Variants in UGT1A6 observed in about 807,000 individuals in gnomAD.
The protein encoded by UGT1A6 is UDP-glucuronosyltransferase 1A6.
A neutral mutation model predicts 44.4 loss-of-function variants in UGT1A6; 32 were observed. The observed-to-expected ratio is 0.72, with a 90% CI of 0.54 to 0.97. UGT1A6 has a LOEUF of 0.97. Among genes scored for constraint, UGT1A6 ranks in the 50% least tolerant of loss-of-function variants. The pLI is 0.00. For missense variants in UGT1A6, 685 were observed against 661.9 expected, an observed-to-expected ratio of 1.03 and a Z score of -0.38; for synonymous variants, 238 against 248.5, an observed-to-expected ratio of 0.96 and a Z score of 0.40.
upstream of UGT1A6, among the ~76,000 whole-genome samples, chr2:233,692,675 G>T (rs932907325): frequency 6.6e-6 from 1 of 152,174 alleles, no homozygotes; most frequent in Non-Finnish European, 1.5e-5. Context: ...TAGAGAATTG[G>T]CAGGGGGTCC....
intron 1 of UGT1A6, among the ~76,000 whole-genome samples, chr2:233,750,204 T>G: frequency 6.6e-6 from 1 of 151,878 alleles, no homozygotes; most frequent in East Asian, 1.9e-4. Context: ...AAGTCCAGGC[T>G]GAGTCTCAGA....
At chr2:233,720,792 A>C (rs1575534792) in intron 1 of UGT1A6, among the ~76,000 whole-genome samples, 4 of 135,258 alleles carry the variant, frequency 3.0e-5, no homozygotes, top group Non-Finnish European at 4.7e-5. Flanking sequence ...TGCAACCTTC[A>C]CCTCCCGGGT....
intron 1 of UGT1A6, among the ~76,000 whole-genome samples, chr2:233,710,092 G>A (rs1054581335): frequency 6.6e-6 from 1 of 152,174 alleles, no homozygotes; most frequent in African/African-American, 2.4e-5. Flanking sequence ...ATTGTTGCAT[G>A]TATCAATATT....
intron 1 of UGT1A6, among the ~76,000 whole-genome samples, chr2:233,737,291 C>T (rs771202553): frequency 3.3e-5 from 5 of 152,210 alleles, no homozygotes; most frequent in South Asian, 2.1e-4. Context: ...GCCAGGCTGC[C>T]GCCTCACAGT....
intron 1 of UGT1A6, among the ~76,000 whole-genome samples, chr2:233,706,821 G>A (rs982521215): frequency 9.2e-5 from 14 of 152,128 alleles, no homozygotes; most frequent in Non-Finnish European, 1.8e-4. Context: ...CCAATCCCAG[G>A]GCAGGACTCT....
At chr2:233,734,338 G>T (rs2078513080) in intron 1 of UGT1A6, among the ~76,000 whole-genome samples, 1 of 152,096 alleles carries the variant, frequency 6.6e-6, no homozygotes, top group Non-Finnish European at 1.5e-5. Context: ...TTCTCTGATG[G>T]TAGTTTGTAT....
intron 1 of UGT1A6, chr2:233,729,228 G>A (rs752170717): frequency 1.9e-6 from 3 of 1,614,046 alleles, no homozygotes; most frequent in South Asian, 1.1e-5. Context: ...TGTTGGTGGT[G>A]CCCATTGATG....
intron 1 of UGT1A6, among the ~76,000 whole-genome samples, chr2:233,730,748 G>C (rs2078070259): frequency 6.6e-6 from 1 of 152,108 alleles, no homozygotes; most frequent in Non-Finnish European, 1.5e-5. Flanking sequence ...CTAGGGAGGA[G>C]ATAAGACTGT....
chr2:233,726,329 A>T (rs1355018721), intron 1 of UGT1A6, among the ~76,000 whole-genome samples: 1 of 152,172 alleles, frequency 6.6e-6, no homozygotes, highest in Non-Finnish European at 1.5e-5. Flanking sequence ...GAGTTTCAGC[A>T]CCTGTGGTTT....
intron 1 of UGT1A6, among the ~76,000 whole-genome samples, chr2:233,709,449 T>C (rs73996175): frequency 4.6e-4 from 70 of 152,334 alleles, no homozygotes; most frequent in African/African-American, 1.5e-3. Context: ...CTGCCGACTT[T>C]TAAAGCAATC....
At chr2:233,714,348 G>T (rs1046988136) in intron 1 of UGT1A6, among the ~76,000 whole-genome samples, 3 of 152,216 alleles carry the variant, frequency 2.0e-5, no homozygotes, top group African/African-American at 7.2e-5. Flanking sequence ...AGAGGAAGTA[G>T]AGGTTTCAAA....
chr2:233,737,151 C>G (rs2078845599), intron 1 of UGT1A6, among the ~76,000 whole-genome samples: 1 of 152,244 alleles, frequency 6.6e-6, no homozygotes, highest in African/African-American at 2.4e-5. Flanking sequence ...CAGATATGCC[C>G]TGCCCACAGA....
chr2:233,730,143 C>G, intron 1 of UGT1A6: 1 of 1,515,100 alleles, frequency 6.6e-7, no homozygotes, highest in African/African-American at 1.4e-5. Flanking sequence ...GTGAGATAAA[C>G]TGTTAAGGGG....
At chr2:233,760,105 A>G in intron 1 of UGT1A6, 1 of 1,175,844 alleles carries the variant, frequency 8.5e-7, no homozygotes, top group Non-Finnish European at 1.2e-6. Context: ...TTGCCTATTA[A>G]GAAACCTAAT....
At chr2:233,761,629 C>A (rs1415462603) in intron 1 of UGT1A6, among the ~76,000 whole-genome samples, 1 of 152,252 alleles carries the variant, frequency 6.6e-6, no homozygotes, top group Admixed American at 6.5e-5. Flanking sequence ...GAAGCTAAAT[C>A]CTGCAGTCCG....
At chr2:233,729,148 C>T (rs1366354347) in intron 1 of UGT1A6, 5 of 1,613,474 alleles carry the variant, frequency 3.1e-6, no homozygotes, top group Non-Finnish European at 4.2e-6. Context: ...ACTCCAGGTT[C>T]CCCTGCCGTG....
At chr2:233,743,209 T>C (rs879874451) in intron 1 of UGT1A6, 11 of 398,276 alleles carry the variant, frequency 2.8e-5, no homozygotes, top group Admixed American at 1.6e-4. Context: ...CAATGCGGAG[T>C]AACTGCTCTT....
In UGT1A6 at chr2:233,693,665, C is replaced by G; in HGVS notation, c.661C>G (p.Leu221Val). 6.2e-7 allele frequency: 1 copy of G among 1,614,238 alleles called. No individual in the cohort carries two copies. Among genetic ancestry groups the G allele is most frequent in the Non-Finnish European group, 8.5e-7 (1 of 1,180,048 alleles). Residue 221 changes from leucine (L) to valine (V), a missense_variant, in exon 1 of 5, where the codon CTA (leucine) becomes GTA (valine). Coordinates refer to ENST00000305139, the MANE Select transcript of UGT1A6 (RefSeq NM_001072.4). The part of the protein sequence containing the change: ...NFLVNLLEPY[L>V]FYCLFSKYEE... ...CCTTGTTAATTTGTTGGAGCCCTATCTATTTTATTGTCTGTTTTCAAAGTA... is the reference window on the plus strand; with the variant it reads ...CCTTGTTAATTTGTTGGAGCCCTATGTATTTTATTGTCTGTTTTCAAAGTA...
chr2:233,735,338 T>G (rs1239211349), intron 1 of UGT1A6, among the ~76,000 whole-genome samples: 2 of 151,114 alleles, frequency 1.3e-5, no homozygotes, highest in Non-Finnish European at 3.0e-5. Context: ...CAACCCCTGC[T>G]TTTTTTTTGC....
Sources: allele counts gnomAD v4.1 joint callset (sites outside exome capture counted in the v4.1 genomes callset), GRCh38; gene constraint gnomAD v4.1.1; transcripts MANE v1.5; gene names NCBI Gene and HGNC (gene_info 2026-07-23, HGNC 2026-07-21).